Variants in AVL9 observed in about 807,000 individuals in gnomAD.
AVL9 encodes late secretory pathway protein AVL9 homolog.
A neutral mutation model predicts 79.2 loss-of-function variants in AVL9; 49 were observed. The ratio of observed to expected loss-of-function variants is 0.62; its 90% CI spans 0.49 to 0.79. AVL9 has a LOEUF of 0.79. AVL9 is among the 30% of genes least tolerant of loss of function. AVL9 has a pLI of 0.00. For synonymous variants in AVL9, 299 were observed against 280.6 expected (o/e 1.07, Z -0.65); for missense variants, 682 against 776.8 (o/e 0.88, Z 1.45).
In AVL9 at chr7:32,503,371, T is replaced by TACACAC. The variant is rs1210453572; in HGVS notation, c.93+7570_93+7571insCACACA. ...ATATAGATATAGAGAGATATATATATATACACACACACACACACACACACA... is the reference window on the plus strand; with the variant it reads ...ATATAGATATAGAGAGATATATATATACACACATACACACACACACACACACACACA... On this transcript the variant is annotated intron_variant, in intron 1 of 15. Coordinates refer to ENST00000318709, the MANE Select transcript of AVL9 (RefSeq NM_015060.3). Among the ~76,000 whole-genome samples, 242 of 105,174 alleles carry TACACAC rather than the reference T, an allele frequency of 2.3e-3. 2 individuals carry two copies. The highest frequency in any genetic ancestry group is 9.9e-3 in the Middle Eastern group (2 of 202). The allele number at this position is 105,174 out of a possible 152,430, so 69.0% of individuals were successfully genotyped here.
chr7:32,530,717 G>A (rs1467918495), intron 1 of AVL9, among the ~76,000 whole-genome samples: 4 of 152,232 alleles, frequency 2.6e-5, no homozygotes, highest in Admixed American at 6.5e-5. Flanking sequence ...GGAAGCCAAG[G>A]CAGGCAGATC....
At chr7:32,544,827 G>A in intron 3 of AVL9, 48 bp downstream of exon 3, 1 of 1,382,228 alleles carries the variant, frequency 7.2e-7, no homozygotes, top group Non-Finnish European at 1.0e-6. Flanking sequence ...CTTCTTAGAT[G>A]TTGGACACTT....
At chr7:32,543,017 T>G in intron 1 of AVL9, 124 bp from the exon 2 acceptor site, 1 of 1,217,102 alleles carries the variant, frequency 8.2e-7, no homozygotes, top group Non-Finnish European at 1.2e-6. Flanking sequence ...TGATATCAAA[T>G]GACATTATAC....
At position 32,570,120 on chromosome 7, in the gene AVL9, G is replaced by A. The variant is rs145306409; in HGVS notation, c.1316G>A (p.Arg439Gln). 4.7e-5 allele frequency: 76 copies of A among 1,613,924 alleles called. No homozygotes were observed. In the Admixed American group the frequency reaches 7.5e-4, roughly 16 times the overall value. Residue 439 changes from arginine (R) to glutamine (Q), a missense_variant, in exon 11 of 16, where the codon CGA becomes CAA. Coordinates refer to ENST00000318709, the MANE Select transcript of AVL9 (RefSeq NM_015060.3). ...GCTGGAGCTACTAACATCCTTTTTC[G>A]ACAACAGAAACACCTCAGTGATGCC... ...FVAGATNILF[R>Q]QQKHLSDAIV...
chr7:32,580,712 A>G lies in AVL9; in HGVS notation c.1743-90A>G, dbSNP rs1205183016. The G allele has an allele frequency of 8.4e-6, 5 of 597,794 alleles. No homozygotes were observed. In the African/African-American group the frequency reaches 8.5e-5, roughly 10 times the overall value. The allele number at this position is 597,794 out of a possible 1,614,324, so 37.0% of individuals were successfully genotyped here. A position where few individuals can be genotyped will look rare whatever the true frequency, so the allele number is the denominator to read the frequency against. On this transcript the variant is annotated intron_variant, in intron 14 of 15. Coordinates refer to ENST00000318709, the MANE Select transcript of AVL9 (RefSeq NM_015060.3). ...AATTTTGGATGGTTACAGAGTGACT[A>G]TTGTGTGTGTGTCTATATGTGTCTG...
chr7:32,541,429 TG>T (rs1789202823), intron 1 of AVL9, among the ~76,000 whole-genome samples: 1 of 152,148 alleles, frequency 6.6e-6, no homozygotes, highest in Non-Finnish European at 1.5e-5. Context: ...ATACTATATA[TG>T]GGACTTTGGT....
chr7:32,540,096 T>C (rs1789107632), intron 1 of AVL9, among the ~76,000 whole-genome samples: 1 of 152,242 alleles, frequency 6.6e-6, no homozygotes, highest in Non-Finnish European at 1.5e-5. Flanking sequence ...ACATAGGATA[T>C]TGTGGCCGTC....
At chr7:32,522,582 G>A (rs1193428428) in intron 1 of AVL9, among the ~76,000 whole-genome samples, 1 of 152,108 alleles carries the variant, frequency 6.6e-6, no homozygotes, top group African/African-American at 2.4e-5. Flanking sequence ...AGGCCCATAG[G>A]CGGAAGAGAC....
chr7:32,556,349 A>G (rs1281506802), intron 8 of AVL9, among the ~76,000 whole-genome samples: 1 of 152,072 alleles, frequency 6.6e-6, no homozygotes, highest in Non-Finnish European at 1.5e-5. Flanking sequence ...CCCCATCTCT[A>G]CTAAAAATAC....
intron 10 of AVL9, among the ~76,000 whole-genome samples, chr7:32,560,313 AGT>A (rs1231869649): frequency 1.3e-5 from 2 of 151,868 alleles, no homozygotes; most frequent in African/African-American, 4.8e-5. Flanking sequence ...AGCACAATAA[AGT>A]GAAGTACAAT....
Position 32,559,027 on chromosome 7 carries a change from G to T in AVL9, c.778G>T (p.Asp260Tyr). ...GLQESNPCAD[D>Y]FVSASTADVS... ...TCAGGAAAGTAACCCATGTGCAGAT[G>T]ATTTTGTTTCTGCATCCACTGCTGA... The change falls in exon 10 of 16, where the codon GAT becomes TAT. Residue 260 changes from aspartate to tyrosine, a missense_variant. Transcript: ENST00000318709. 6.2e-7 allele frequency: 1 copy of T among 1,614,124 alleles called. No homozygotes were observed. Among genetic ancestry groups the T allele is most frequent in the South Asian group, 1.1e-5 (1 of 91,082 alleles).
intron 8 of AVL9, among the ~76,000 whole-genome samples, chr7:32,557,853 CTTTTTTTT>C (rs3079799): frequency 1.4e-5 from 1 of 73,272 alleles, no homozygotes; most frequent in Admixed American, 1.7e-4. Flanking sequence ...AGCTGTTACT[CTTTTTTTT>C]TTTTTTTTTT....
chr7:32,522,800 T>C (rs1338079796), intron 1 of AVL9, among the ~76,000 whole-genome samples: 1 of 152,134 alleles, frequency 6.6e-6, no homozygotes, highest in Non-Finnish European at 1.5e-5. Flanking sequence ...ACATGTGTTG[T>C]GGGAGAGACC....
chr7:32,531,884 C>T (rs550842630), intron 1 of AVL9: 7 of 154,350 alleles, frequency 4.5e-5, no homozygotes, highest in Admixed American at 3.2e-4. Context: ...GTGTTCATTT[C>T]GCTCTTCCAT....
At chr7:32,570,599 T>C (rs1471728505) in intron 11 of AVL9, among the ~76,000 whole-genome samples, 1 of 152,084 alleles carries the variant, frequency 6.6e-6, no homozygotes, top group Non-Finnish European at 1.5e-5. Context: ...AATCATTTGT[T>C]ATTTTACAAC....
intron 1 of AVL9, among the ~76,000 whole-genome samples, chr7:32,501,617 G>T (rs1787130580): frequency 6.6e-6 from 1 of 152,190 alleles, no homozygotes; most frequent in African/African-American, 2.4e-5. Flanking sequence ...TGGCATTGTG[G>T]CTAAGCGGAG....
chr7:32,531,748 G>A (rs1414081160), intron 1 of AVL9: 2 of 152,230 alleles, frequency 1.3e-5, no homozygotes. Context: ...GAATGCACAG[G>A]TGAGTGGGTA....
chr7:32,555,140 A>G (rs1423641758), intron 8 of AVL9, among the ~76,000 whole-genome samples: 2 of 152,130 alleles, frequency 1.3e-5, no homozygotes, highest in Non-Finnish European at 2.9e-5. Flanking sequence ...GGAGTTTGAG[A>G]CCAGCCTGGG....
chr7:32,525,585 GTT>G (rs948335294), intron 1 of AVL9, among the ~76,000 whole-genome samples: 11 of 151,838 alleles, frequency 7.2e-5, no homozygotes, highest in Non-Finnish European at 1.3e-4. Flanking sequence ...CCTAACTTTT[GTT>G]TTTTTGAGTG....
Sources: allele counts gnomAD v4.1 joint callset (sites outside exome capture counted in the v4.1 genomes callset), GRCh38; gene constraint gnomAD v4.1.1; transcripts MANE v1.5; gene names NCBI Gene and HGNC (gene_info 2026-07-23, HGNC 2026-07-21).